The following SCAMP1 variants were observed in gnomAD, a reference collection of about 807,000 sequenced individuals.
The protein encoded by SCAMP1 is secretory carrier membrane protein 1, also known as secretory carrier-associated membrane protein 1.
A neutral mutation model predicts 41.8 loss-of-function variants in SCAMP1; 15 were observed. The observed-to-expected ratio is 0.36, with a 90% CI of 0.24 to 0.55. The LOEUF (loss-of-function observed/expected upper bound fraction) is 0.55. Among genes scored for constraint, SCAMP1 ranks in the 20% least tolerant of loss-of-function variants. The pLI is 0.86. For missense variants in SCAMP1, 341 were observed against 412.6 expected (o/e 0.83, Z 1.50); for synonymous variants, 135 against 136.8 (o/e 0.99, Z 0.09).
At chr5:78,421,503 G>A (rs1341440579) in intron 5 of SCAMP1, among the ~76,000 whole-genome samples, 1 of 152,022 alleles carries the variant, frequency 6.6e-6, no homozygotes, top group East Asian at 1.9e-4. Context: ...TTTCCTTTTC[G>A]GGAAGAAGCC....
At position 78,476,290 on chromosome 5, in the gene SCAMP1, A is replaced by G. The variant is rs1754003476; in HGVS notation, c.*622A>G. ...GCACCACATTTCTTATATTAAAAGAATTAGTGTTTTGGCTTCTGTACTGCT... is the reference window on the plus strand; with the variant it reads ...GCACCACATTTCTTATATTAAAAGAGTTAGTGTTTTGGCTTCTGTACTGCT... On this transcript the variant is annotated 3_prime_UTR_variant, in exon 9 of 9. Coordinates refer to ENST00000621999, the MANE Select transcript of SCAMP1 (RefSeq NM_004866.6). 1 of 152,164 alleles carries G rather than the reference A, an allele frequency of 6.6e-6. No homozygotes were observed. The highest frequency in any genetic ancestry group is 2.4e-5 in the African/African-American group (1 of 41,446). The allele number at this position is 152,164 out of a possible 1,614,324, so 9.4% of individuals were successfully genotyped here. A position where few individuals can be genotyped will look rare whatever the true frequency, so the allele number is the denominator to read the frequency against.
At chr5:78,467,866 T>A (rs1013870459) in intron 8 of SCAMP1, among the ~76,000 whole-genome samples, 10 of 152,214 alleles carry the variant, frequency 6.6e-5, no homozygotes, top group African/African-American at 2.4e-4. Context: ...AATTTTCTGT[T>A]TCACACTTGG....
At chr5:78,401,303 G>A (rs1158029164) in intron 2 of SCAMP1, among the ~76,000 whole-genome samples, 3 of 151,946 alleles carry the variant, frequency 2.0e-5, no homozygotes, top group African/African-American at 4.8e-5. Flanking sequence ...TAGTTTTTTT[G>A]TAGTGTCTTT....
intron 2 of SCAMP1, among the ~76,000 whole-genome samples, chr5:78,391,001 G>A (rs1483777498): frequency 1.3e-5 from 2 of 151,268 alleles, no homozygotes; most frequent in Non-Finnish European, 3.0e-5. Context: ...TCCCAAGGCA[G>A]AAGAATTTTT....
chr5:78,451,280 C>T (rs369731885), intron 7 of SCAMP1, among the ~76,000 whole-genome samples: 14 of 152,126 alleles, frequency 9.2e-5, no homozygotes, highest in African/African-American at 2.9e-4. Context: ...ATCATAGATT[C>T]ACATACAATC....
chr5:78,369,152 G>A (rs962851682), intron 1 of SCAMP1, among the ~76,000 whole-genome samples: 14 of 151,504 alleles, frequency 9.2e-5, no homozygotes, highest in Non-Finnish European at 1.9e-4. Context: ...TGTCTCCAAG[G>A]CTGGAGTGCA....
chr5:78,430,160 AGT>A (rs1752574821), intron 6 of SCAMP1, among the ~76,000 whole-genome samples: 1 of 8,534 alleles, frequency 1.2e-4, no homozygotes, highest in African/African-American at 2.8e-4. Flanking sequence ...TTATAAATAC[AGT>A]ATTTATTTAT....
At chr5:78,433,324 T>A (rs977929740) in intron 6 of SCAMP1, among the ~76,000 whole-genome samples, 3 of 152,156 alleles carry the variant, frequency 2.0e-5, no homozygotes, top group Non-Finnish European at 2.9e-5. Flanking sequence ...AAACTAGACA[T>A]CTTTTGAAGA....
intron 1 of SCAMP1, among the ~76,000 whole-genome samples, chr5:78,370,218 G>A (rs891264446): frequency 1.3e-5 from 2 of 152,230 alleles, no homozygotes; most frequent in Non-Finnish European, 2.9e-5. Context: ...ATAGAGTTAA[G>A]CCTGTATTTA....
chr5:78,396,962 AAG>A (rs1473903453), intron 2 of SCAMP1, among the ~76,000 whole-genome samples: 17 of 152,356 alleles, frequency 1.1e-4, no homozygotes, highest in African/African-American at 4.1e-4. Context: ...TTTAAGAAGA[AAG>A]AACTGGGAAA....
At chr5:78,412,137 TTAAC>T (rs148142103) in intron 2 of SCAMP1, among the ~76,000 whole-genome samples, 184 of 152,214 alleles carry the variant, frequency 1.2e-3, no homozygotes, top group Non-Finnish European at 2.1e-3. Context: ...GTGAAATGTA[TTAAC>T]TAATTGTTGT....
chr5:78,365,118 A>T (rs1227658602), intron 1 of SCAMP1, among the ~76,000 whole-genome samples: 2 of 152,188 alleles, frequency 1.3e-5, no homozygotes, highest in Admixed American at 6.5e-5. Context: ...GCATATAGTA[A>T]GAGCTTAATG....
chr5:78,421,909 T>G lies in SCAMP1; in HGVS notation c.581T>G (p.Phe194Cys). The G allele has an allele frequency of 6.2e-7, 1 of 1,613,870 alleles. No individual in the cohort carries two copies. Residue 194 changes from phenylalanine (F) to cysteine (C), a missense_variant, in exon 6 of 9, where the codon TTT becomes TGT. Coordinates refer to ENST00000621999, the MANE Select transcript of SCAMP1 (RefSeq NM_004866.6). Reference protein sequence around the residue: ...FGLSILWFLLFTPCSFVCWYR... With the variant: ...FGLSILWFLLCTPCSFVCWYR... ...TTGAGTATCCTGTGGTTCTTGCTTT[T>G]TACTCCTTGTTCATTTGTCTGTTGG...
chr5:78,444,640 C>A (rs1394976165), intron 6 of SCAMP1, among the ~76,000 whole-genome samples: 1 of 152,124 alleles, frequency 6.6e-6, no homozygotes, highest in African/African-American at 2.4e-5. Context: ...TTACTTGATT[C>A]TAGTAGTCTT....
intron 6 of SCAMP1, among the ~76,000 whole-genome samples, chr5:78,422,498 T>C (rs1224429706): frequency 2.6e-5 from 4 of 152,228 alleles, no homozygotes. Context: ...TTACATAGTA[T>C]ATTTTAATCA....
intron 5 of SCAMP1, among the ~76,000 whole-genome samples, chr5:78,419,710 T>G (rs929933216): frequency 6.6e-6 from 1 of 152,130 alleles, no homozygotes; most frequent in African/African-American, 2.4e-5. Flanking sequence ...TGGAGGAAAT[T>G]TACTTGTTTT....
At chr5:78,408,329 C>G (rs1323494033) in intron 2 of SCAMP1, among the ~76,000 whole-genome samples, 1 of 152,014 alleles carries the variant, frequency 6.6e-6, no homozygotes, top group Non-Finnish European at 1.5e-5. Context: ...TAGGAAAGAC[C>G]CACCCCCATG....
chr5:78,372,979 C>T (rs575843967), intron 1 of SCAMP1, among the ~76,000 whole-genome samples: 2 of 152,062 alleles, frequency 1.3e-5, no homozygotes, highest in African/African-American at 4.8e-5. Flanking sequence ...ATATAAGAAA[C>T]ATAACAACAA....
chr5:78,447,925 C>T (rs1306051175), intron 6 of SCAMP1, among the ~76,000 whole-genome samples: 5 of 76,992 alleles, frequency 6.5e-5, no homozygotes, highest in Non-Finnish European at 1.1e-4. Context: ...CTGCCTCCTT[C>T]CCCCTTCCTC....
Sources: allele counts gnomAD v4.1 joint callset (sites outside exome capture counted in the v4.1 genomes callset), GRCh38; gene constraint gnomAD v4.1.1; transcripts MANE v1.5; gene names NCBI Gene and HGNC (gene_info 2026-07-23, HGNC 2026-07-21).